LGSN: variants seen among roughly 807,000 people sequenced by gnomAD.
LGSN encodes lengsin, lens protein with glutamine synthetase domain, also known as lengsin.
A neutral mutation model predicts 19.5 loss-of-function variants in LGSN; 21 were observed. The observed-to-expected ratio is 1.07, with a 90% CI of 0.76 to 1.55. LGSN has a LOEUF of 1.55. Among genes scored for constraint, LGSN ranks in the 40% most tolerant of loss-of-function variants. LGSN has a pLI of 0.00. For synonymous variants in LGSN, 257 were observed against 215.6 expected, an observed-to-expected ratio of 1.19 and a Z score of -1.68; for missense variants, 673 against 608.5, an observed-to-expected ratio of 1.11 and a Z score of -1.12.
the LGSN span, among the ~76,000 whole-genome samples, chr6:63,473,472 TAAAAAAA>T: frequency 5.1e-5 from 3 of 59,380 alleles, no homozygotes; most frequent in Admixed American, 2.4e-4. Flanking sequence ...ACACTCTGTC[TAAAAAAA>T]AAAAAAAAAA....
At chr6:63,441,265 C>A in the LGSN span, 1 of 370,750 alleles carries the variant, frequency 2.7e-6, no homozygotes, top group South Asian at 2.9e-5. Flanking sequence ...ACACACCTGG[C>A]GAAGCTAGAC....
chr6:63,468,981 C>G, the LGSN span, among the ~76,000 whole-genome samples: 70,261 of 151,644 alleles, frequency 0.46, 18,072 homozygotes, highest in Non-Finnish European at 0.56. Context: ...ATCCTGACCT[C>G]AAGTGATCCA....
At chr6:63,315,426 G>A (rs1768800248) in intron 1 of LGSN, among the ~76,000 whole-genome samples, 1 of 152,076 alleles carries the variant, frequency 6.6e-6, no homozygotes. Context: ...TTGTGCTAGT[G>A]AAAGCCTGCT....
chr6:63,572,654 T>C, the LGSN span: 1 of 411,886 alleles, frequency 2.4e-6, no homozygotes, highest in South Asian at 1.1e-4. Flanking sequence ...CCACCGCCTG[T>C]GTCGCCGCCG....
chr6:63,498,158 T>A, the LGSN span, among the ~76,000 whole-genome samples: 1 of 151,908 alleles, frequency 6.6e-6, no homozygotes, highest in Non-Finnish European at 1.5e-5. Flanking sequence ...CCTCAGGTGA[T>A]CCACCCGTCT....
upstream of LGSN, among the ~76,000 whole-genome samples, chr6:63,324,022 C>T (rs781040389): frequency 2.0e-5 from 3 of 152,130 alleles, no homozygotes; most frequent in Non-Finnish European, 2.9e-5. Context: ...ATCCACCTGC[C>T]TCAGCCTCCC....
At chr6:63,363,895 T>A in the LGSN span, among the ~76,000 whole-genome samples, 2 of 151,908 alleles carry the variant, frequency 1.3e-5, no homozygotes, top group African/African-American at 4.8e-5. Flanking sequence ...GACACAATTG[T>A]CAGATTCAAC....
chr6:63,349,440 T>G, the LGSN span, among the ~76,000 whole-genome samples: 1 of 152,224 alleles, frequency 6.6e-6, no homozygotes, highest in Non-Finnish European at 1.5e-5. Flanking sequence ...AACATTAATC[T>G]AGGTGTTGCT....
At chr6:63,433,386 C>T in the LGSN span, among the ~76,000 whole-genome samples, 2 of 152,154 alleles carry the variant, frequency 1.3e-5, no homozygotes, top group Non-Finnish European at 2.9e-5. Context: ...GACAGGGACA[C>T]TGAAGCACAG....
chr6:63,500,613 G>T, the LGSN span, among the ~76,000 whole-genome samples: 2 of 152,010 alleles, frequency 1.3e-5, no homozygotes, highest in Non-Finnish European at 2.9e-5. Context: ...TAGGGATAGG[G>T]TTGCTCCATG....
At chr6:63,315,618 C>G (rs2459570) in intron 1 of LGSN, among the ~76,000 whole-genome samples, 1,495 of 138,120 alleles carry the variant, frequency 0.011, 21 homozygotes, top group South Asian at 0.028. Context: ...CTCTCTCTCT[C>G]TGTGTGTGTG....
chr6:63,309,355 T>G (rs542704950), intron 1 of LGSN, among the ~76,000 whole-genome samples: 1 of 151,972 alleles, frequency 6.6e-6, no homozygotes, highest in Admixed American at 6.6e-5. Context: ...TTGCTTGAAT[T>G]TGGGAGGCAG....
At chr6:63,473,474 A>G in the LGSN span, among the ~76,000 whole-genome samples, 10 of 35,824 alleles carry the variant, frequency 2.8e-4, no homozygotes, top group South Asian at 8.8e-4. Context: ...ACTCTGTCTA[A>G]AAAAAAAAAA....
chr6:63,556,016 C>A, the LGSN span, among the ~76,000 whole-genome samples: 6 of 151,896 alleles, frequency 4.0e-5, no homozygotes, highest in South Asian at 2.1e-4. Flanking sequence ...TATTATTCAG[C>A]CTTTCTTTGG....
rs1451271136 is a variant in LGSN at position 63,297,674 on chromosome 6, TTTGGG to T, written c.31-2634_31-2630del. ...AACTTACTAGCCCAGATGATTGAGG[TTTGGG>T]TTGTAATTCTGACCTTTCCACAAAG... On this transcript the variant is annotated intron_variant, in intron 1 of 3. Coordinates refer to ENST00000370657, the MANE Select transcript of LGSN (RefSeq NM_016571.3). Among the ~76,000 whole-genome samples, 4 of 152,178 alleles carry T rather than the reference TTTGGG, an allele frequency of 2.6e-5. No individual in the cohort carries two copies. In the East Asian group the frequency reaches 7.7e-4, roughly 29 times the overall value.
chr6:63,325,001 G>A, the LGSN span, among the ~76,000 whole-genome samples: 1 of 150,432 alleles, frequency 6.6e-6, no homozygotes, highest in African/African-American at 2.4e-5. Flanking sequence ...CTACTCAGGG[G>A]ACTCAGGCAG....
At chr6:63,447,090 T>C in the LGSN span, among the ~76,000 whole-genome samples, 1 of 152,240 alleles carries the variant, frequency 6.6e-6, no homozygotes, top group Non-Finnish European at 1.5e-5. Flanking sequence ...AGAATCACTT[T>C]AGCATTGGAT....
Position 63,280,975 on chromosome 6 carries a change from C to T in LGSN, c.576G>A (p.Leu192=). ...TSPRYIAKRQ[L]SHLQASGFSL... ...AAAAGCCAGAGGCCTGCAGATGGCT[C>T]AGCTGCCTCTTTGCAATGTACCTTG... The change falls in exon 4 of 4, where the codon CTG becomes CTA. Residue 192 remains leucine (L), a synonymous_variant. Coordinates refer to ENST00000370657, the MANE Select transcript of LGSN (RefSeq NM_016571.3). The T allele has an allele frequency of 6.2e-7, 1 of 1,614,132 alleles. No homozygotes were observed. The highest frequency in any genetic ancestry group is 8.5e-7 in the Non-Finnish European group (1 of 1,180,016).
chr6:63,422,726 CT>C, the LGSN span, among the ~76,000 whole-genome samples: 2,630 of 151,892 alleles, frequency 0.017, 76 homozygotes, highest in African/African-American at 0.061. Context: ...GAAATAAATA[CT>C]ATAGATAATC....
Sources: allele counts gnomAD v4.1 joint callset (sites outside exome capture counted in the v4.1 genomes callset), GRCh38; gene constraint gnomAD v4.1.1; transcripts MANE v1.5; gene names NCBI Gene and HGNC (gene_info 2026-07-23, HGNC 2026-07-21).